Variants in SIMC1 observed in about 807,000 individuals in gnomAD.
SIMC1 encodes SUMO-interacting motif-containing protein 1.
SIMC1 carries 55 observed loss-of-function variants against 82.3 expected under a neutral mutation model. The observed-to-expected ratio is 0.67, with a 90% CI of 0.54 to 0.84. The LOEUF (loss-of-function observed/expected upper bound fraction) is 0.84. Among genes scored for constraint, SIMC1 ranks in the 40% least tolerant of loss-of-function variants. The pLI is 0.00. For missense variants in SIMC1, 915 were observed against 1,107.2 expected (o/e 0.83, Z 2.46); for synonymous variants, 353 against 426.3 (o/e 0.83, Z 2.12).
At chr5:176,339,450 G>C (rs1475889841) in intron 9 of SIMC1, among the ~76,000 whole-genome samples, 1 of 152,156 alleles carries the variant, frequency 6.6e-6, no homozygotes, top group Admixed American at 6.5e-5. Flanking sequence ...AAAGAAAGGT[G>C]CATGTCCTTC....
chr5:176,312,372 C>G (rs983963749), intron 4 of SIMC1, among the ~76,000 whole-genome samples: 2 of 151,956 alleles, frequency 1.3e-5, no homozygotes, highest in African/African-American at 4.8e-5. Flanking sequence ...CCTGTCTCTA[C>G]TAAAAATACA....
At chr5:176,275,725 A>G (rs1028985449) in intron 1 of SIMC1, among the ~76,000 whole-genome samples, 1 of 151,896 alleles carries the variant, frequency 6.6e-6, no homozygotes, top group Non-Finnish European at 1.5e-5. Flanking sequence ...ATCTATTGAG[A>G]TAATCATGTG....
chr5:176,333,628 C>G (rs1765764353), intron 7 of SIMC1, among the ~76,000 whole-genome samples: 1 of 152,158 alleles, frequency 6.6e-6, no homozygotes, highest in Non-Finnish European at 1.5e-5. Context: ...CGGGGTTTCA[C>G]CGTGTTGGCC....
intron 1 of SIMC1, among the ~76,000 whole-genome samples, chr5:176,277,777 C>T (rs997172650): frequency 2.0e-5 from 3 of 151,782 alleles, no homozygotes; most frequent in Non-Finnish European, 2.9e-5. Context: ...GGTGTTATTT[C>T]TGAGGGCTCT....
rs367728704 is a variant in SIMC1, at chr5:176,263,180, A to G, written c.129+24543A>G. On this transcript the variant is annotated intron_variant, in intron 1 of 9. Transcript: ENST00000429602. The stretch of plus-strand genomic sequence containing the variant: ...AAACATTTCATGTTTGTGAATAGGA[A>G]AACTCAATGTCATCAAGATGTCAAT... 3.3e-5 allele frequency among the ~76,000 whole-genome samples: 5 copies of G among 152,366 alleles called. No homozygotes were observed. In the East Asian group the frequency reaches 7.7e-4, roughly 23 times the overall value.
chr5:176,293,524 A>G (rs750166160), intron 2 of SIMC1, among the ~76,000 whole-genome samples: 1 of 150,152 alleles, frequency 6.7e-6, no homozygotes, highest in Non-Finnish European at 1.5e-5. Context: ...AGTCTTGATC[A>G]CTTGAGTTCA....
intron 7 of SIMC1, among the ~76,000 whole-genome samples, chr5:176,335,986 G>C (rs1765872925): frequency 6.6e-6 from 1 of 151,780 alleles, no homozygotes; most frequent in Non-Finnish European, 1.5e-5. Flanking sequence ...TGAAGCTGCA[G>C]TGTGTGATGA....
intron 4 of SIMC1, among the ~76,000 whole-genome samples, chr5:176,306,623 G>C (rs181306114): frequency 0.018 from 2,715 of 151,470 alleles, 32 homozygotes; most frequent in Non-Finnish European, 0.025. Context: ...CCCCAACCCT[G>C]TGCTCTCTGA....
chr5:176,305,562 C>G (rs780978329), intron 4 of SIMC1, among the ~76,000 whole-genome samples: 2 of 132,896 alleles, frequency 1.5e-5, no homozygotes, highest in African/African-American at 2.8e-5. Context: ...GGCCAGCCGC[C>G]CCGTCCGGGA....
intron 5 of SIMC1, among the ~76,000 whole-genome samples, chr5:176,321,382 G>T (rs1037251434): frequency 6.6e-6 from 1 of 151,542 alleles, no homozygotes; most frequent in East Asian, 1.9e-4. Context: ...GGCGGAGCTT[G>T]CAGTGAGCCG....
At chr5:176,255,133 C>A (rs1346801669) in intron 1 of SIMC1, among the ~76,000 whole-genome samples, 1 of 151,292 alleles carries the variant, frequency 6.6e-6, no homozygotes, top group Admixed American at 6.6e-5. Flanking sequence ...AAAAATTAGC[C>A]AGCATGGTGG....
intron 2 of SIMC1, 39 bp downstream of exon 2, chr5:176,290,994 C>G (rs752622230): frequency 7.0e-7 from 1 of 1,438,336 alleles, no homozygotes; most frequent in East Asian, 2.4e-5. Flanking sequence ...GGTGTCCTTT[C>G]CCTAGGCCTA....
At chr5:176,255,636 G>A (rs1450951071) in intron 1 of SIMC1, among the ~76,000 whole-genome samples, 3 of 140,646 alleles carry the variant, frequency 2.1e-5, no homozygotes, top group Non-Finnish European at 4.6e-5. Context: ...GAGATGAAAT[G>A]TACATGTAAA....
At chr5:176,247,072 T>C (rs1358919280) in intron 1 of SIMC1, among the ~76,000 whole-genome samples, 1 of 152,132 alleles carries the variant, frequency 6.6e-6, no homozygotes, top group Non-Finnish European at 1.5e-5. Flanking sequence ...TAAACATACA[T>C]GTGCATGTGT....
intron 4 of SIMC1, chr5:176,308,316 A>C: frequency 1.4e-6 from 2 of 1,467,282 alleles, no homozygotes; most frequent in Non-Finnish European, 1.9e-6. Context: ...ACGTTCTGAT[A>C]AGAGGAAGGA....
chr5:176,305,135 G>GAGC (rs1491420534), intron 4 of SIMC1, among the ~76,000 whole-genome samples: 2 of 24,632 alleles, frequency 8.1e-5, no homozygotes, highest in African/African-American at 3.9e-4. Flanking sequence ...TGCCATCCAG[G>GAGC]AGGGGGGGGG....
chr5:176,305,136 A>AGC (rs1428016379), intron 4 of SIMC1, among the ~76,000 whole-genome samples: 2,070 of 32,488 alleles, frequency 0.064, 225 homozygotes, highest in South Asian at 0.1. Flanking sequence ...GCCATCCAGG[A>AGC]GGGGGGGGGG....
intron 1 of SIMC1, among the ~76,000 whole-genome samples, chr5:176,268,547 CAA>C (rs1762295474): frequency 1.3e-5 from 2 of 151,082 alleles, no homozygotes; most frequent in Non-Finnish European, 3.0e-5. Flanking sequence ...ACCAGAAAAA[CAA>C]GACATCAATA....
intron 1 of SIMC1, among the ~76,000 whole-genome samples, chr5:176,240,348 T>C (rs1761240232): frequency 9.0e-6 from 1 of 110,822 alleles, no homozygotes; most frequent in African/African-American, 3.3e-5. Flanking sequence ...TTGTCCATTT[T>C]CCCTCATTCT....
Sources: allele counts gnomAD v4.1 joint callset (sites outside exome capture counted in the v4.1 genomes callset), GRCh38; gene constraint gnomAD v4.1.1; transcripts MANE v1.5; gene names NCBI Gene and HGNC (gene_info 2026-07-23, HGNC 2026-07-21).